The following PRDM11 variants were observed in gnomAD, a reference collection of about 807,000 sequenced individuals.
PRDM11 encodes the protein PR domain-containing protein 11.
In PRDM11, 20 loss-of-function variants were observed where a neutral mutation model predicts 97.8. The ratio of observed to expected loss-of-function variants is 0.20; its 90% confidence interval spans 0.14 to 0.30. PRDM11 has a LOEUF of 0.30. Among genes scored for constraint, PRDM11 ranks in the 10% least tolerant of loss-of-function variants. The pLI, the probability that PRDM11 is intolerant of heterozygous loss-of-function variation, is 1.00. For synonymous variants in PRDM11, 599 were observed against 637.7 expected, an observed-to-expected ratio of 0.94 and a Z score of 0.91; for missense variants, 1,139 against 1,555.2, an observed-to-expected ratio of 0.73 and a Z score of 4.50.
In PRDM11 at chr11:45,100,508, C is replaced by T. The variant is rs375480236; in HGVS notation, c.96+4607C>T. 2.0e-5 allele frequency among the ~76,000 whole-genome samples: 3 copies of T among 152,252 alleles called. No individual in the cohort carries two copies. The East Asian group carries it at 5.8e-4, about 29-fold the overall frequency. On this transcript the variant is annotated intron_variant, in intron 1 of 6. Coordinates refer to the PRDM11 transcript ENST00000530656. ...CAGTCCTTCTGTCTGTCTGCTGCTTCTTTCCTCCCTCCCCTTCTCAAGCCA... is the reference window on the plus strand; with the variant it reads ...CAGTCCTTCTGTCTGTCTGCTGCTTTTTTCCTCCCTCCCCTTCTCAAGCCA...
intron 1 of PRDM11, among the ~76,000 whole-genome samples, chr11:45,139,326 T>C (rs1406547035): frequency 1.3e-5 from 2 of 152,154 alleles, no homozygotes; most frequent in East Asian, 3.9e-4. Context: ...TCCAGCACTT[T>C]GGGAGGCCGA....
At chr11:45,130,328 C>T (rs1852689755) in intron 1 of PRDM11, among the ~76,000 whole-genome samples, 2 of 152,058 alleles carry the variant, frequency 1.3e-5, no homozygotes, top group South Asian at 4.1e-4. Flanking sequence ...AAAATATACA[C>T]TGGGATAAGA....
At chr11:45,135,150 T>C (rs577115603) in intron 1 of PRDM11, among the ~76,000 whole-genome samples, 16 of 150,378 alleles carry the variant, frequency 1.1e-4, no homozygotes, top group South Asian at 6.3e-4. Flanking sequence ...TCTCTCTCTC[T>C]CCTACTAAAA....
At chr11:45,156,708 A>G (rs1300920599) in intron 1 of PRDM11, among the ~76,000 whole-genome samples, 1 of 152,226 alleles carries the variant, frequency 6.6e-6, no homozygotes, top group Non-Finnish European at 1.5e-5. Flanking sequence ...GATTGAAGGT[A>G]GGATGCGCCT....
At chr11:45,153,617 A>G (rs1483257192) in intron 1 of PRDM11, among the ~76,000 whole-genome samples, 6 of 152,228 alleles carry the variant, frequency 3.9e-5, no homozygotes, top group Non-Finnish European at 8.8e-5. Flanking sequence ...GCATATCTGC[A>G]CTTAAAGGTG....
At chr11:45,175,320 A>G (rs1016263901) in intron 1 of PRDM11, among the ~76,000 whole-genome samples, 1 of 152,146 alleles carries the variant, frequency 6.6e-6, no homozygotes, top group African/African-American at 2.4e-5. Flanking sequence ...ACCCCTGCCA[A>G]CCTCTGATCT....
At chr11:45,123,663 A>T (rs1354308738) in intron 1 of PRDM11, among the ~76,000 whole-genome samples, 2 of 150,418 alleles carry the variant, frequency 1.3e-5, no homozygotes, top group Non-Finnish European at 3.0e-5. Flanking sequence ...GTAGATATGC[A>T]GCATTATTTC....
At chr11:45,168,443 A>C (rs1319134703) in intron 1 of PRDM11, among the ~76,000 whole-genome samples, 2 of 152,144 alleles carry the variant, frequency 1.3e-5, no homozygotes, top group African/African-American at 4.8e-5. Context: ...AGGGCCTTGC[A>C]CAATGTTCAG....
At chr11:45,144,615 A>G (rs1251462199), upstream of PRDM11, among the ~76,000 whole-genome samples, 1 of 152,134 alleles carries the variant, frequency 6.6e-6, no homozygotes, top group African/African-American at 2.4e-5. Flanking sequence ...CTCATCTCCG[A>G]TATCTCTGCC....
chr11:45,208,062 C>T (rs989215599), intron 5 of PRDM11, among the ~76,000 whole-genome samples: 1 of 152,202 alleles, frequency 6.6e-6, no homozygotes, highest in Non-Finnish European at 1.5e-5. Flanking sequence ...GGGCCTCTGG[C>T]TGCTCAGTTG....
intron 1 of PRDM11, among the ~76,000 whole-genome samples, chr11:45,126,028 AT>A (rs901297804): frequency 3.5e-4 from 53 of 152,168 alleles, no homozygotes; most frequent in Non-Finnish European, 7.1e-4. Context: ...GTGCTCCTGT[AT>A]TGGGTGCATA....
intron 1 of PRDM11, among the ~76,000 whole-genome samples, chr11:45,168,937 C>G (rs1852134871): frequency 6.6e-6 from 1 of 152,186 alleles, no homozygotes; most frequent in South Asian, 2.1e-4. Flanking sequence ...CTCCCCAATT[C>G]TTATTTGGCT....
At chr11:45,224,985 G>T (rs532718561) in intron 7 of PRDM11, 142 bp downstream of exon 7, 1 of 1,513,768 alleles carries the variant, frequency 6.6e-7, no homozygotes, top group South Asian at 1.3e-5. Flanking sequence ...CCGTGGGTGG[G>T]AGCCCAGGTC....
At chr11:45,123,371 G>A (rs986504283) in intron 1 of PRDM11, among the ~76,000 whole-genome samples, 11 of 151,918 alleles carry the variant, frequency 7.2e-5, no homozygotes, top group African/African-American at 2.7e-4. Context: ...GTCAATTTTG[G>A]CTTTTGTTGC....
rs1852568895 is a variant in PRDM11 at position 45,182,983 on chromosome 11, G to A, written c.346G>A (p.Gly116Ser). Reference protein sequence around the residue: ...PDRAALTIPQGMEVVKDTSGE... With the variant: ...PDRAALTIPQSMEVVKDTSGE... ...CCGGGCGGCGCTCACCATCCCACAG[G>A]GCATGGAGGTGGTCAAGGACACTAG... Residue 116 changes from glycine (G) to serine (S), a missense_variant, in exon 4 of 8, where the codon GGC (glycine) becomes AGC (serine). Gly to Ser is a moderately conservative substitution (Grantham distance 56, BLOSUM62 0). Around this residue, in one of 2 missense-constraint regions of PRDM11, gnomAD observed 429 missense variants for 510.3 expected, o/e 0.84. Transcript: ENST00000683152. 6 of 1,614,002 alleles carry A rather than the reference G, an allele frequency of 3.7e-6. No homozygotes were observed. Among genetic ancestry groups the A allele is most frequent in the Admixed American group, 3.3e-5 (2 of 60,010 alleles).
intron 5 of PRDM11, chr11:45,214,096 G>A (rs1244082345): frequency 4.6e-6 from 1 of 218,668 alleles, no homozygotes. Context: ...CCTCTTCCCT[G>A]GCTTCTAAAA....
At chr11:45,104,155 G>A (rs1852023665) in intron 1 of PRDM11, among the ~76,000 whole-genome samples, 1 of 152,246 alleles carries the variant, frequency 6.6e-6, no homozygotes, top group Non-Finnish European at 1.5e-5. Flanking sequence ...TAGCCCTCAA[G>A]GGCCACTGCA....
chr11:45,209,061 G>A (rs1018231095), intron 5 of PRDM11: 4 of 456,574 alleles, frequency 8.8e-6, no homozygotes, highest in African/African-American at 6.0e-5. Context: ...CGTCAGCCAG[G>A]TGCCCCGCTC....
At position 45,229,691 on chromosome 11, in the gene PRDM11, T is replaced by C. The variant is rs1854361202; in HGVS notation, c.*1532T>C. On this transcript the variant is annotated 3_prime_UTR_variant, in exon 8 of 8. Transcript: ENST00000683152. ...GTGAGCTGTTAAAAACTTCTGTTCA[T>C]GTTCCTACATCTGATTTATGCATAT... The C allele has an allele frequency of 6.6e-6, 1 of 152,270 alleles. No individual in the cohort carries two copies. Among genetic ancestry groups the C allele is most frequent in the Non-Finnish European group, 1.5e-5 (1 of 68,048 alleles). The allele number at this position is 152,270 out of a possible 1,614,324, so 9.4% of individuals were successfully genotyped here. A position where few individuals can be genotyped will look rare whatever the true frequency, so the allele number is the denominator to read the frequency against.
Sources: gnomAD v4.1 joint callset for allele counts (sites outside exome capture counted in the v4.1 genomes callset) on GRCh38, gnomAD v4.1.1 for gene constraint, gnomAD v4.1.1 regional missense constraint, MANE v1.5 for transcripts, NCBI Gene and HGNC (gene_info 2026-07-23, HGNC 2026-07-21) for gene names.